The following LRRC32 variants were observed in gnomAD, a reference collection of about 807,000 sequenced individuals.
LRRC32 encodes the protein leucine rich repeat containing 32, also known as transforming growth factor beta activator LRRC32.
In LRRC32, 5 loss-of-function variants were observed where a neutral mutation model predicts 15.0. The ratio of observed to expected loss-of-function variants is 0.33; its 90% confidence interval spans 0.17 to 0.70. The LOEUF (loss-of-function observed/expected upper bound fraction) is 0.70. LRRC32 is among the 30% of genes least tolerant of loss of function. The probability of loss-of-function intolerance (pLI) is 0.66; values close to 1 mark genes in which losing one functional copy is unlikely to be tolerated. For missense variants in LRRC32, 803 were observed against 854.2 expected, an observed-to-expected ratio of 0.94 and a Z score of 0.75; for synonymous variants, 391 against 403.9, an observed-to-expected ratio of 0.97 and a Z score of 0.38.
At chr11:76,668,865 C>T (rs1036778208) in intron 1 of LRRC32, among the ~76,000 whole-genome samples, 2 of 152,182 alleles carry the variant, frequency 1.3e-5, no homozygotes, top group Admixed American at 6.5e-5. Context: ...AGGGATCGTC[C>T]CTGCAGCACA....
In LRRC32 at chr11:76,659,752, C is replaced by T. The variant is rs138705487; in HGVS notation, c.1841G>A (p.Arg614His). Residue 614 changes from arginine to histidine, a missense_variant, in exon 3 of 3, where the codon CGT becomes CAT. Physicochemically the swap from Arg to His is conservative, Grantham distance 29. Coordinates refer to ENST00000260061, the MANE Select transcript of LRRC32 (RefSeq NM_001128922.2). Reference sequence around the variant, plus strand: ...TCCCCCCTTCTCACAGTCCTCGGGACGCACGTGGCTCAGGGACACCTCCTC... The same window carrying T: ...TCCCCCCTTCTCACAGTCCTCGGGATGCACGTGGCTCAGGGACACCTCCTC... ...SQEEVSLSHV[R>H]PEDCEKGGLK... The T allele has an allele frequency of 5.4e-5, 87 of 1,614,200 alleles. No individual in the cohort carries two copies. The highest frequency in any genetic ancestry group is 3.5e-4 in the Admixed American group (21 of 60,028).
At chr11:76,665,732 A>T in intron 2 of LRRC32, 139 bp downstream of exon 2, 2 of 1,201,594 alleles carry the variant, frequency 1.7e-6, no homozygotes, top group Non-Finnish European at 2.4e-6. Flanking sequence ...ACATTCTAGT[A>T]GGTGCTCATT....
intron 2 of LRRC32, chr11:76,663,636 A>T (rs903585990): frequency 6.6e-6 from 1 of 152,314 alleles, no homozygotes; most frequent in Admixed American, 6.5e-5. Flanking sequence ...CACCTGTGTG[A>T]ACCTGAAACC....
At position 76,659,824 on chromosome 11, in the gene LRRC32, A is replaced by T; in HGVS notation, c.1769T>A (p.Val590Glu). Residue 590 changes from valine (V) to glutamate (E), a missense_variant, in exon 3 of 3, where the codon GTG becomes GAG. Val to Glu is a moderately radical substitution (Grantham distance 121). Coordinates refer to ENST00000260061, the MANE Select transcript of LRRC32 (RefSeq NM_001128922.2). ...WLAAQLHQGR[V>E]DVDATQDLIC... is the part of the protein sequence containing the mutation. ...CAGGTCCTGGGTGGCGTCCACGTCC[A>T]CACGGCCCTGGTGCAGCTGGGCTGC... 4 of 1,614,204 alleles carry T rather than the reference A, an allele frequency of 2.5e-6. No homozygotes were observed. Among genetic ancestry groups the T allele is most frequent in the Non-Finnish European group, 3.4e-6 (4 of 1,180,044 alleles).
chr11:76,659,569 G>T lies in LRRC32; in HGVS notation c.*35C>A, dbSNP rs776412975. Reference sequence around the variant, plus strand: ...GTCCTCACTCTTCTCTGTACCTCAGGCTCCCCCACTGACCTAGAGTGTCTC... The same window carrying T: ...GTCCTCACTCTTCTCTGTACCTCAGTCTCCCCCACTGACCTAGAGTGTCTC... On this transcript the variant is annotated 3_prime_UTR_variant, in exon 3 of 3. Coordinates refer to ENST00000260061, the MANE Select transcript of LRRC32 (RefSeq NM_001128922.2). 9.4e-6 allele frequency: 15 copies of T among 1,594,878 alleles called. No individual in the cohort carries two copies. The highest frequency in any genetic ancestry group is 8.4e-5 in the Admixed American group (5 of 59,362).
Position 76,660,019 on chromosome 11 carries a change from C to T in LRRC32, c.1574G>A (p.Arg525His), listed in dbSNP as rs577763122. Reference sequence around the variant, plus strand: ...TGTCCAGGCGGGAAGGTGGCTCAGGCGGTTCTCGGCAAGATTGAGCCGCTT... The same window carrying T: ...TGTCCAGGCGGGAAGGTGGCTCAGGTGGTTCTCGGCAAGATTGAGCCGCTT... ...CLKRLNLAEN[R>H]LSHLPAWTQA... Residue 525 changes from arginine to histidine, a missense_variant, in exon 3 of 3, where the codon CGC becomes CAC. By Grantham distance (29) the Arg-to-His change is conservative. Transcript: ENST00000260061. 3.3e-5 allele frequency: 53 copies of T among 1,614,106 alleles called. No individual in the cohort carries two copies. The highest frequency in any genetic ancestry group is 2.5e-4 in the African/African-American group (19 of 75,074).
chr11:76,657,691 G>A lies in LRRC32; in HGVS notation c.*1913C>T, dbSNP rs2120020865. 6.5e-6 allele frequency: 1 copy of A among 152,846 alleles called. No homozygotes were observed. The highest frequency in any genetic ancestry group is 2.1e-4 in the South Asian group (1 of 4,832). The allele number at this position is 152,846 out of a possible 1,614,324, so 9.5% of individuals were successfully genotyped here. On this transcript the variant is annotated 3_prime_UTR_variant, in exon 3 of 3. Transcript: ENST00000260061. ...TTGGCCTCCAGGCCTAAGGAGGAGT[G>A]TTACGTGCAGTAGCACCCGTGGGTG...
At chr11:76,665,080 T>A (rs1952602682) in intron 2 of LRRC32, among the ~76,000 whole-genome samples, 1 of 152,218 alleles carries the variant, frequency 6.6e-6, no homozygotes. Context: ...GCCTTACAAG[T>A]GGATCTAGGT....
In LRRC32 at chr11:76,659,904, GAGGC is replaced by G; in HGVS notation, c.1685_1688del (p.Ser562ThrfsTer36). 1 of 1,613,644 alleles carries G rather than the reference GAGGC, an allele frequency of 6.2e-7. No homozygotes were observed. The highest frequency in any genetic ancestry group is 8.5e-7 in the Non-Finnish European group (1 of 1,179,914). ...GATTCCCCTGCAGGTAGAGGCGCCG[GAGGC>G]TGGTCTCCAGGCCACCCATGGCACT... is the stretch of plus-strand genomic sequence containing the variant. On this transcript the variant is annotated frameshift_variant, in exon 3 of 3. Transcript: ENST00000260061. LOFTEE classifies it high-confidence loss of function.
In LRRC32 at chr11:76,659,656, G is replaced by A. The variant is rs1565402796; in HGVS notation, c.1937C>T (p.Ala646Val). ...LVSAILLTTL[A>V]ACCCVRRQKF... ...CTGCCGGCGGACGCAGCAGCAGGCGGCCAGCGTGGTGAGGAGGATGGCAGA... is the reference window on the plus strand; with the variant it reads ...CTGCCGGCGGACGCAGCAGCAGGCGACCAGCGTGGTGAGGAGGATGGCAGA... Residue 646 changes from alanine to valine, a missense_variant, in exon 3 of 3, where the codon GCC (alanine) becomes GTC (valine). Transcript: ENST00000260061. 3 of 1,614,240 alleles carry A rather than the reference G, an allele frequency of 1.9e-6. No homozygotes were observed. Among genetic ancestry groups the A allele is most frequent in the East Asian group, 2.2e-5 (1 of 44,894 alleles).
chr11:76,661,433 G>A lies in LRRC32; in HGVS notation c.160C>T (p.Leu54Phe). ...CGCAGCTGGTTCCCAGATAGATCAA[G>A]GGTCTCAGTGTCTGGCGGGAGCACC... Reference protein sequence around the residue: ...PSVLPPDTETLDLSGNQLRSI... With the variant: ...PSVLPPDTETFDLSGNQLRSI... Residue 54 changes from leucine (L) to phenylalanine (F), a missense_variant, in exon 3 of 3, where the codon CTT (leucine) becomes TTT (phenylalanine). Coordinates refer to ENST00000260061, the MANE Select transcript of LRRC32 (RefSeq NM_001128922.2). 1 of 1,614,090 alleles carries A rather than the reference G, an allele frequency of 6.2e-7. No individual in the cohort carries two copies. The highest frequency in any genetic ancestry group is 8.5e-7 in the Non-Finnish European group (1 of 1,179,948).
chr11:76,660,954 G>C lies in LRRC32; in HGVS notation c.639C>G (p.Ser213=), dbSNP rs1324506403. The C allele has an allele frequency of 1.9e-6, 3 of 1,614,070 alleles. No homozygotes were observed. The highest frequency in any genetic ancestry group is 8.5e-7 in the Non-Finnish European group (1 of 1,180,048). Residue 213 remains serine (S), a synonymous_variant, in exon 3 of 3, where the codon TCC becomes TCG. Coordinates refer to ENST00000260061, the MANE Select transcript of LRRC32 (RefSeq NM_001128922.2). ...NLSRNSLTCI[S]DFSLQQLRVL... is the part of the protein sequence containing the mutation. ...CCCGCAGCTGCTGGAGGCTGAAGTC[G>C]GAGATGCAGGTGAGGGAATTCCTGG...
chr11:76,661,040 G>C lies in LRRC32; in HGVS notation c.553C>G (p.Leu185Val). Residue 185 changes from leucine to valine, a missense_variant, in exon 3 of 3, where the codon CTG becomes GTG. Coordinates refer to ENST00000260061, the MANE Select transcript of LRRC32 (RefSeq NM_001128922.2). ...AAGGCGCCATCCTCGATGTCCATCAGCACGTTGCTATGCAGGTCAAGCTGC... is the reference window on the plus strand; with the variant it reads ...AAGGCGCCATCCTCGATGTCCATCACCACGTTGCTATGCAGGTCAAGCTGC... ...LEQLDLHSNVLMDIEDGAFEG... is the reference protein window; with the variant it reads ...LEQLDLHSNVVMDIEDGAFEG... 6.2e-7 allele frequency: 1 copy of C among 1,614,212 alleles called. No homozygotes were observed. Among genetic ancestry groups the C allele is most frequent in the Non-Finnish European group, 8.5e-7 (1 of 1,180,026 alleles).
In LRRC32 at chr11:76,665,774, A is replaced by T. The variant is rs1952615523; in HGVS notation, c.84+97T>A. 8 of 1,564,424 alleles carry T rather than the reference A, an allele frequency of 5.1e-6. No homozygotes were observed. In the Admixed American group the frequency reaches 7.0e-5, roughly 14 times the overall value. On this transcript the variant is annotated intron_variant, in intron 2 of 2. Coordinates refer to ENST00000260061, the MANE Select transcript of LRRC32 (RefSeq NM_001128922.2). ...AAGGTACATTCCCTTTCCTCTCCTG[A>T]CTCTTCTAACTTCTGGCTTCTGGGG...
chr11:76,664,086 G>A (rs533206370), intron 2 of LRRC32, among the ~76,000 whole-genome samples: 6 of 152,322 alleles, frequency 3.9e-5, no homozygotes, highest in South Asian at 2.1e-4. Context: ...TGTGCCCCGC[G>A]TGTTACCCCC....
At position 76,659,093 on chromosome 11, in the gene LRRC32, T is replaced by C. The variant is rs1201205354; in HGVS notation, c.*511A>G. Reference sequence around the variant, plus strand: ...GCTTGGAAATGTCTCAGACAAATCCTCCTGGGCTTGGCCCTCCCTCACCCT... The same window carrying C: ...GCTTGGAAATGTCTCAGACAAATCCCCCTGGGCTTGGCCCTCCCTCACCCT... On this transcript the variant is annotated 3_prime_UTR_variant, in exon 3 of 3. Coordinates refer to ENST00000260061, the MANE Select transcript of LRRC32 (RefSeq NM_001128922.2). 6.3e-6 allele frequency: 1 copy of C among 157,900 alleles called. No individual in the cohort carries two copies. Among genetic ancestry groups the C allele is most frequent in the Middle Eastern group, 3.0e-3 (1 of 328 alleles). The allele number at this position is 157,900 out of a possible 1,614,324, so 9.8% of individuals were successfully genotyped here.
rs774849907 is a variant in LRRC32 at position 76,661,161 on chromosome 11, C to T, written c.432G>A (p.Leu144=). The T allele has an allele frequency of 4.3e-6, 7 of 1,613,764 alleles. No homozygotes were observed. The highest frequency in any genetic ancestry group is 5.1e-6 in the Non-Finnish European group (6 of 1,179,922). Residue 144 remains leucine, a synonymous_variant, in exon 3 of 3, where the codon CTG becomes CTA. Transcript: ENST00000260061. ...NSLYSGLLER[L]LGEAPSLHTL... Reference sequence around the variant, plus strand: ...TATGCAGGCTGGGTGCCTCCCCCAGCAGCCGCTCCAGCAGGCCGCTGTACA... The same window carrying T: ...TATGCAGGCTGGGTGCCTCCCCCAGTAGCCGCTCCAGCAGGCCGCTGTACA...
intron 2 of LRRC32, among the ~76,000 whole-genome samples, chr11:76,664,778 C>T (rs980655260): frequency 4.6e-5 from 7 of 152,240 alleles, no homozygotes; most frequent in Non-Finnish European, 8.8e-5. Flanking sequence ...CTCTGAGCCT[C>T]GTCTCCCTGA....
rs755305674 is a variant in LRRC32, at chr11:76,661,279, G to T, written c.314C>A (p.Ala105Asp). The change falls in exon 3 of 3, where the codon GCT becomes GAT. Residue 105 changes from alanine (A) to aspartate (D), a missense_variant. By Grantham distance (126) the Ala-to-Asp change is moderately radical (BLOSUM62 -2). Transcript: ENST00000260061. ...ALTHLEHLSL[A>D]HNRLAMATAL... ...AGTGGCCATCGCCAGCCGGTTGTGA[G>T]CCAGGCTGAGGTGCTCCAGGTGGGT... 6.2e-7 allele frequency: 1 copy of T among 1,614,164 alleles called. No homozygotes were observed. Among genetic ancestry groups the T allele is most frequent in the Non-Finnish European group, 8.5e-7 (1 of 1,180,002 alleles).
Sources: allele counts gnomAD v4.1 joint callset (sites outside exome capture counted in the v4.1 genomes callset), GRCh38; gene constraint gnomAD v4.1.1; transcripts MANE v1.5; gene names NCBI Gene and HGNC (gene_info 2026-07-23, HGNC 2026-07-21).